PLXNB1: variants seen among roughly 807,000 people sequenced by gnomAD.
The protein encoded by PLXNB1 is plexin-B1.
In PLXNB1, 106 loss-of-function variants were observed where a neutral mutation model predicts 209.4. That is an observed-to-expected ratio of 0.51 (90% CI 0.43 to 0.59). The LOEUF (loss-of-function observed/expected upper bound fraction) is 0.59, where lower values mean the gene tolerates loss of function less well. Ranked by LOEUF, PLXNB1 falls within the 20% of genes least tolerant of loss-of-function variation. PLXNB1 has a pLI of 0.00. For missense variants in PLXNB1, 2,357 were observed against 2,853.2 expected, an observed-to-expected ratio of 0.83 and a Z score of 3.96; for synonymous variants, 1,167 against 1,183.2, an observed-to-expected ratio of 0.99 and a Z score of 0.28.
chr3:48,417,770 T>C lies in PLXNB1; in HGVS notation c.3374+141A>G, dbSNP rs539213164. 5 of 928,654 alleles carry C rather than the reference T, an allele frequency of 5.4e-6. No homozygotes were observed. In the Admixed American group the frequency reaches 1.0e-4, roughly 19 times the overall value. The allele number at this position is 928,654 out of a possible 1,614,324, so 57.5% of individuals were successfully genotyped here. On this transcript the variant is annotated intron_variant, in intron 16 of 37. Transcript: ENST00000296440. The surrounding 1 kb of genome is among the most constrained non-coding windows in gnomAD (Gnocchi z 4.4). Reference sequence around the variant, plus strand: ...TGCTCAGGGTCTTCAGTGGCAACGCTGGCACTCGGGCATTGTGGCCAGGAT... The same window carrying C: ...TGCTCAGGGTCTTCAGTGGCAACGCCGGCACTCGGGCATTGTGGCCAGGAT...
At position 48,424,231 on chromosome 3, in the gene PLXNB1, G is replaced by C. The variant is rs138973378; in HGVS notation, c.381C>G (p.Leu127=). Reference sequence around the variant, plus strand: ...GCTCTGGCCGCAGCAGCAGCTGCTCGAGCTGCCCCAGGCGCCGCTGTTCAC... The same window carrying C: ...GCTCTGGCCGCAGCAGCAGCTGCTCCAGCTGCCCCAGGCGCCGCTGTTCAC... ...GVCEQRRLGQ[L]EQLLLRPERP... is the part of the protein sequence containing the mutation. The change falls in exon 3 of 38, where the codon CTC becomes CTG. Residue 127 remains leucine, a synonymous_variant. Transcript: ENST00000296440. 1.4e-5 allele frequency: 22 copies of C among 1,601,962 alleles called. No homozygotes were observed. Among genetic ancestry groups the C allele is most frequent in the Middle Eastern group, 1.8e-4 (1 of 5,678 alleles).
chr3:48,415,153 G>C lies in PLXNB1; in HGVS notation c.3966+23C>G. The C allele has an allele frequency of 6.2e-7, 1 of 1,608,480 alleles. No homozygotes were observed. Among genetic ancestry groups the C allele is most frequent in the Non-Finnish European group, 8.5e-7 (1 of 1,175,860 alleles). On this transcript the variant is annotated intron_variant, in intron 20 of 37. Coordinates refer to ENST00000296440, the MANE Select transcript of PLXNB1 (RefSeq NM_001130082.3). This position sits in a 1 kb window ranked among gnomAD's most constrained non-coding sequence, Gnocchi z 5.0. ...GTGGTATGGGGCAAGGGGAGAGTGT[G>C]GGGGTACCCAAGGGTGTCCTACTTG... is the stretch of plus-strand genomic sequence containing the variant.
chr3:48,413,768 G>A lies in PLXNB1; in HGVS notation c.4437C>T (p.Gly1479=), dbSNP rs745544060. 1.9e-6 allele frequency: 3 copies of A among 1,613,836 alleles called. No individual in the cohort carries two copies. The highest frequency in any genetic ancestry group is 1.7e-5 in the Admixed American group (1 of 60,028). Residue 1479 remains glycine (G), a synonymous_variant, in exon 23 of 38, where the codon GGC becomes GGT. Transcript: ENST00000296440. The surrounding 1 kb of genome is among the most constrained non-coding windows in gnomAD (Gnocchi z 5.4). ...RFSLGHVQYD[G]ESPGAFPVAA... is the part of the protein sequence containing the mutation. ...CCACAGGAAAAGCCCCAGGGCTCTCGCCGTCATACTGCACGTGACCCAGGG... is the reference window on the plus strand; with the variant it reads ...CCACAGGAAAAGCCCCAGGGCTCTCACCGTCATACTGCACGTGACCCAGGG...
rs187813400 is a variant in PLXNB1, at chr3:48,406,273, C to T, written c.6229-475G>A. The stretch of plus-strand genomic sequence containing the variant: ...CTGAGCCTCAACTTCCTCACCTGGA[C>T]GATGGAATTGGTGTCACCTAGCTTG... On this transcript the variant is annotated intron_variant, in intron 36 of 37. Coordinates refer to ENST00000296440, the MANE Select transcript of PLXNB1 (RefSeq NM_001130082.3). This position sits in a 1 kb window ranked among gnomAD's most constrained non-coding sequence, Gnocchi z 4.4. 3.9e-5 allele frequency among the ~76,000 whole-genome samples: 6 copies of T among 152,314 alleles called. No individual in the cohort carries two copies. The highest frequency in any genetic ancestry group is 3.9e-4 in the East Asian group (2 of 5,174).
In PLXNB1 at chr3:48,412,620, A is replaced by G. The variant is rs2037766003; in HGVS notation, c.4855T>C (p.Phe1619Leu). The G allele has an allele frequency of 6.2e-7, 1 of 1,612,864 alleles. No homozygotes were observed. Among genetic ancestry groups the G allele is most frequent in the Non-Finnish European group, 8.5e-7 (1 of 1,179,554 alleles). Residue 1619 changes from phenylalanine (F) to leucine (L), a missense_variant and splice_region_variant, in exon 26 of 38, where the codon TTC (phenylalanine) becomes CTC (leucine). By Grantham distance (22) the Phe-to-Leu change is conservative (BLOSUM62 0). Coordinates refer to ENST00000296440, the MANE Select transcript of PLXNB1 (RefSeq NM_001130082.3). Reference protein sequence around the residue: ...LLNSKLFLTKFIHTLESQRTF... With the variant: ...LLNSKLFLTKLIHTLESQRTF... ...CGCTGGCTCTCCAGCGTGTGGATGA[A>G]CTGCAGCCAAAGAGAAGGGATGGGA... is the stretch of plus-strand genomic sequence containing the variant.
At position 48,419,801 on chromosome 3, in the gene PLXNB1, G is replaced by A; in HGVS notation, c.2485C>T (p.Pro829Ser). ...PPATVPATTF[P>S]GAMGSVKPAL... ...GGCTTCACGGAGCCCATGGCCCCTG[G>A]GAAAGTGGTGGCAGGAACAGTGGCA... Residue 829 changes from proline (P) to serine (S), a missense_variant, in exon 11 of 38, where the codon CCA (proline) becomes TCA (serine). Coordinates refer to ENST00000296440, the MANE Select transcript of PLXNB1 (RefSeq NM_001130082.3). The surrounding 1 kb of genome is among the most constrained non-coding windows in gnomAD (Gnocchi z 5.7). The A allele has an allele frequency of 6.3e-6, 10 of 1,593,484 alleles. No individual in the cohort carries two copies. The highest frequency in any genetic ancestry group is 8.6e-6 in the Non-Finnish European group (10 of 1,169,164).
chr3:48,413,727 A>G lies in PLXNB1; in HGVS notation c.4478T>C (p.Leu1493Ser). 1 of 1,613,614 alleles carries G rather than the reference A, an allele frequency of 6.2e-7. No individual in the cohort carries two copies. Among genetic ancestry groups the G allele is most frequent in the Non-Finnish European group, 8.5e-7 (1 of 1,179,990 alleles). ...GAFPVAAQVG[L>S]GVGTSLLALG... Reference sequence around the variant, plus strand: ...AGCCAGAAGAGAGGTGCCCACCCCCAAGCCCACCTGGGCTGCCACAGGAAA... The same window carrying G: ...AGCCAGAAGAGAGGTGCCCACCCCCGAGCCCACCTGGGCTGCCACAGGAAA... Residue 1493 changes from leucine (L) to serine (S), a missense_variant, in exon 23 of 38, where the codon TTG (leucine) becomes TCG (serine). This residue lies in a region of PLXNB1 where 743 missense variants were observed against 896.2 expected (regional missense o/e 0.83). Transcript: ENST00000296440. The surrounding 1 kb of genome is among the most constrained non-coding windows in gnomAD (Gnocchi z 5.4).
chr3:48,421,111 G>A (rs1255341523), intron 8 of PLXNB1, 117 bp downstream of exon 8: 6 of 1,360,094 alleles, frequency 4.4e-6, no homozygotes, highest in Non-Finnish European at 6.2e-6. Context: ...TGGGGAGTGG[G>A]AGGACCCAGA....
Position 48,413,275 on chromosome 3 carries a change from G to T in PLXNB1, c.4536-106C>A. 1 of 888,790 alleles carries T rather than the reference G, an allele frequency of 1.1e-6. No homozygotes were observed. Among genetic ancestry groups the T allele is most frequent in the Non-Finnish European group, 1.8e-6 (1 of 548,980 alleles). 55.1% of individuals were successfully genotyped at this position (888,790 alleles called of 1,614,324 possible). A position where few individuals can be genotyped will look rare whatever the true frequency, so the allele number is the denominator to read the frequency against. ...CCGGCCTCATCCAGCACAGTCCAAT[G>T]CAGCCATGCCAGCCAAGCTCAAGCC... On this transcript the variant is annotated intron_variant, in intron 23 of 37. Coordinates refer to ENST00000296440, the MANE Select transcript of PLXNB1 (RefSeq NM_001130082.3). This position sits in a 1 kb window ranked among gnomAD's most constrained non-coding sequence, Gnocchi z 5.4.
In PLXNB1 at chr3:48,412,629, A is replaced by C. The variant is rs769574792; in HGVS notation, c.4855-9T>G. ...TCCAGCGTGTGGATGAACTGCAGCC[A>C]AAGAGAAGGGATGGGAAAAGGGGTT... is the stretch of plus-strand genomic sequence containing the variant. On this transcript the variant is annotated splice_polypyrimidine_tract_variant and intron_variant, in intron 25 of 37. Transcript: ENST00000296440. The C allele has an allele frequency of 6.2e-7, 1 of 1,612,932 alleles. No homozygotes were observed. Among genetic ancestry groups the C allele is most frequent in the Non-Finnish European group, 8.5e-7 (1 of 1,179,604 alleles).
In PLXNB1 at chr3:48,420,684, G is replaced by A. The variant is rs1264550939; in HGVS notation, c.2009C>T (p.Pro670Leu). 2.5e-6 allele frequency: 4 copies of A among 1,613,602 alleles called. No homozygotes were observed. The highest frequency in any genetic ancestry group is 3.4e-6 in the Non-Finnish European group (4 of 1,179,884). ...CTHKASCDAGPMVASHQSPLV... is the reference protein window; with the variant it reads ...CTHKASCDAGLMVASHQSPLV... ...ACTCACCTGATGGCTTGCAACCATG[G>A]GCCCAGCATCACACGAGGCCTTGTG... is the stretch of plus-strand genomic sequence containing the variant. The change falls in exon 10 of 38, where the codon CCC (proline) becomes CTC (leucine). Residue 670 changes from proline to leucine, a missense_variant. Coordinates refer to ENST00000296440, the MANE Select transcript of PLXNB1 (RefSeq NM_001130082.3).
At chr3:48,430,233 G>A (rs571870428), upstream of PLXNB1, among the ~76,000 whole-genome samples, 11 of 152,324 alleles carry the variant, frequency 7.2e-5, no homozygotes, top group African/African-American at 2.4e-4. Flanking sequence ...AGTAAGTGGG[G>A]GTGATCCCAC....
chr3:48,427,766 C>T (rs2038969922), intron 1 of PLXNB1, among the ~76,000 whole-genome samples: 1 of 152,200 alleles, frequency 6.6e-6, no homozygotes, highest in Admixed American at 6.5e-5. Context: ...CCTACACCAA[C>T]CATCCTCTCC....
At position 48,410,177 on chromosome 3, in the gene PLXNB1, G is replaced by T. The variant is rs544013541; in HGVS notation, c.5606-100C>A. ...CCCAGGGGTGGGGGCACCTGGTTGAGGGATTTCCTGGGCCGAATGGAAATA... is the reference window on the plus strand; with the variant it reads ...CCCAGGGGTGGGGGCACCTGGTTGATGGATTTCCTGGGCCGAATGGAAATA... On this transcript the variant is annotated intron_variant, in intron 31 of 37. Transcript: ENST00000296440. This position sits in a 1 kb window ranked among gnomAD's most constrained non-coding sequence, Gnocchi z 6.4. 3.6e-5 allele frequency: 53 copies of T among 1,463,856 alleles called. No individual in the cohort carries two copies. Among genetic ancestry groups the T allele is most frequent in the Middle Eastern group, 3.7e-4 (2 of 5,396 alleles). The allele number at this position is 1,463,856 out of a possible 1,614,324, so 90.7% of individuals were successfully genotyped here.
At position 48,409,147 on chromosome 3, in the gene PLXNB1, G is replaced by T. The variant is rs2037489002; in HGVS notation, c.6087+182C>A. 6.6e-6 allele frequency among the ~76,000 whole-genome samples: 1 copy of T among 152,204 alleles called. No homozygotes were observed. The highest frequency in any genetic ancestry group is 1.5e-5 in the Non-Finnish European group (1 of 68,044). On this transcript the variant is annotated intron_variant, in intron 34 of 37. Coordinates refer to ENST00000296440, the MANE Select transcript of PLXNB1 (RefSeq NM_001130082.3). The surrounding 1 kb of genome is among the most constrained non-coding windows in gnomAD (Gnocchi z 5.8). The stretch of plus-strand genomic sequence containing the variant: ...AACTTCACCTGTGAATTGGCACACA[G>T]TGTCCCCTCCTCTTGCTCATCCCTT...
rs1027050043 is a variant in PLXNB1, at chr3:48,417,174, C to T, written c.3375-723G>A. Among the ~76,000 whole-genome samples the T allele has an allele frequency of 2.0e-5, 3 of 152,250 alleles. No homozygotes were observed. The highest frequency in any genetic ancestry group is 7.2e-5 in the African/African-American group (3 of 41,466). On this transcript the variant is annotated intron_variant, in intron 16 of 37. Coordinates refer to ENST00000296440, the MANE Select transcript of PLXNB1 (RefSeq NM_001130082.3). This position sits in a 1 kb window ranked among gnomAD's most constrained non-coding sequence, Gnocchi z 4.4. ...TCACCGTAAGTTCTCGGTCATAACA[C>T]ATTCAGGGGACACTCCGTGCTCCAG...
At position 48,411,021 on chromosome 3, in the gene PLXNB1, A is replaced by G; in HGVS notation, c.5263T>C (p.Leu1755=). ...EYRPLTLNAL[L]AVGPGAGEAQ... is the part of the protein sequence containing the mutation. ...TCTCCTGCCCCAGGCCCCACAGCCA[A>G]TAGTGCATTCAAGGTCTGTGCAGGA... The change falls in exon 29 of 38, where the codon TTG becomes CTG. Residue 1755 remains leucine, a synonymous_variant. Coordinates refer to ENST00000296440, the MANE Select transcript of PLXNB1 (RefSeq NM_001130082.3). The surrounding 1 kb of genome is among the most constrained non-coding windows in gnomAD (Gnocchi z 4.0). 3 of 1,613,514 alleles carry G rather than the reference A, an allele frequency of 1.9e-6. No individual in the cohort carries two copies. Among genetic ancestry groups the G allele is most frequent in the Non-Finnish European group, 2.5e-6 (3 of 1,179,850 alleles).
chr3:48,429,378 G>C lies in PLXNB1; in HGVS notation c.-60+630C>G, dbSNP rs1213355765. 1 of 151,202 alleles carries C rather than the reference G, an allele frequency of 6.6e-6. No individual in the cohort carries two copies. Among genetic ancestry groups the C allele is most frequent in the Non-Finnish European group, 1.5e-5 (1 of 67,662 alleles). The allele number at this position is 151,202 out of a possible 1,614,324, so 9.4% of individuals were successfully genotyped here. ...CGCAGCTGTTACCCGGAGACCGAGGGGCGGAAAACTGCGCCCGCTGCCCGC... is the reference window on the plus strand; with the variant it reads ...CGCAGCTGTTACCCGGAGACCGAGGCGCGGAAAACTGCGCCCGCTGCCCGC... On this transcript the variant is annotated intron_variant, in intron 1 of 37. Transcript: ENST00000296440. This position sits in a 1 kb window ranked among gnomAD's most constrained non-coding sequence, Gnocchi z 6.4.
chr3:48,415,359 C>A lies in PLXNB1; in HGVS notation c.3795-12G>T, dbSNP rs769797087. ...TCTCACGTCCTCCACTGAAACAGAC[C>A]GTGAGCTTACGTAACGTAAGATGGC... On this transcript the variant is annotated splice_polypyrimidine_tract_variant and intron_variant, in intron 19 of 37. Transcript: ENST00000296440. The surrounding 1 kb of genome is among the most constrained non-coding windows in gnomAD (Gnocchi z 5.0). 9 of 1,610,254 alleles carry A rather than the reference C, an allele frequency of 5.6e-6. No homozygotes were observed. Among genetic ancestry groups the A allele is most frequent in the Non-Finnish European group, 6.8e-6 (8 of 1,177,530 alleles).
Sources: gnomAD v4.1 joint callset for allele counts (sites outside exome capture counted in the v4.1 genomes callset) on GRCh38, gnomAD v4.1.1 for gene constraint, gnomAD v4.1.1 regional missense constraint, Gnocchi (gnomAD v3.1) non-coding constraint, MANE v1.5 for transcripts, NCBI Gene and HGNC (gene_info 2026-07-23, HGNC 2026-07-21) for gene names.